MMD2: variants seen among roughly 807,000 people sequenced by gnomAD.
MMD2 encodes the protein monocyte to macrophage differentiation factor 2.
A neutral mutation model predicts 33.5 loss-of-function variants in MMD2; 30 were observed. That is an observed-to-expected ratio of 0.90 (90% CI 0.67 to 1.22). MMD2 has a LOEUF of 1.22. MMD2 is among the 50% of genes most tolerant of loss of function. MMD2 has a pLI of 0.00. For missense variants in MMD2, 364 were observed against 325.4 expected (o/e 1.12, Z -0.91); for synonymous variants, 129 against 123.0 (o/e 1.05, Z -0.32).
intron 1 of MMD2, among the ~76,000 whole-genome samples, chr7:4,934,960 C>T (rs1785697148): frequency 6.6e-6 from 1 of 152,040 alleles, no homozygotes; most frequent in Admixed American, 6.6e-5. Flanking sequence ...CTGAGGTGGG[C>T]GGATAACCTG....
downstream of MMD2, among the ~76,000 whole-genome samples, chr7:4,904,104 T>A (rs1182966074): frequency 6.6e-6 from 1 of 152,194 alleles, no homozygotes; most frequent in African/African-American, 2.4e-5. Context: ...GGCTACTTTT[T>A]GTATTTTTAG....
Position 4,907,381 on chromosome 7 carries a change from C to A in MMD2, c.*15G>T. The A allele has an allele frequency of 6.2e-7, 1 of 1,613,290 alleles. No individual in the cohort carries two copies. The highest frequency in any genetic ancestry group is 8.5e-7 in the Non-Finnish European group (1 of 1,179,808). On this transcript the variant is annotated 3_prime_UTR_variant, in exon 7 of 7. Transcript: ENST00000401401. ...CACTCCTAAAGCCCAAACGACCTCT[C>A]AAGTCTGGGTCACCTCATTTGGACA...
At chr7:4,938,857 G>T (rs1315149431) in intron 1 of MMD2, among the ~76,000 whole-genome samples, 1 of 152,108 alleles carries the variant, frequency 6.6e-6, no homozygotes, top group African/African-American at 2.4e-5. Flanking sequence ...TTTAAATAAA[G>T]TCAAGTTTTG....
At position 4,921,185 on chromosome 7, in the gene MMD2, C is replaced by A. The variant is rs572596582; in HGVS notation, c.130-854G>T. Among the ~76,000 whole-genome samples, 290 of 152,252 alleles carry A rather than the reference C, an allele frequency of 1.9e-3. 1 individual carries two copies. The highest frequency in any genetic ancestry group is 6.8e-3 in the African/African-American group (281 of 41,574). ...ATCCCAGCCCCTCTCTGGGCCACCA[C>A]ACAGAGAAGTATGATGTGCCACATG... On this transcript the variant is annotated intron_variant, in intron 2 of 6. Transcript: ENST00000401401.
At chr7:4,908,312 T>G (rs1784917493) in intron 6 of MMD2, among the ~76,000 whole-genome samples, 1 of 151,810 alleles carries the variant, frequency 6.6e-6, no homozygotes, top group Non-Finnish European at 1.5e-5. Flanking sequence ...CGGCTAATTT[T>G]TGTATTTTTA....
At chr7:4,902,339 A>T (rs1391369299), downstream of MMD2, among the ~76,000 whole-genome samples, 3 of 152,238 alleles carry the variant, frequency 2.0e-5, no homozygotes, top group Non-Finnish European at 4.4e-5. Flanking sequence ...GCAAGCAGCC[A>T]GGTCTGGCCA....
At chr7:4,935,315 G>C (rs1785708385) in intron 1 of MMD2, among the ~76,000 whole-genome samples, 2 of 152,040 alleles carry the variant, frequency 1.3e-5, no homozygotes, top group African/African-American at 4.8e-5. Flanking sequence ...TCGTGCCACT[G>C]CACTCCAGCC....
At chr7:4,956,571 T>C (rs1296291764) in intron 1 of MMD2, among the ~76,000 whole-genome samples, 1 of 152,084 alleles carries the variant, frequency 6.6e-6, no homozygotes, top group African/African-American at 2.4e-5. Flanking sequence ...CCATCACCCA[T>C]AGAAGCTGCA....
chr7:4,908,062 G>A (rs1263444287), intron 6 of MMD2, among the ~76,000 whole-genome samples: 4 of 151,828 alleles, frequency 2.6e-5, no homozygotes, highest in African/African-American at 9.7e-5. Flanking sequence ...CTCCCACCTC[G>A]GCTTCCCAAA....
At chr7:4,945,285 T>C (rs766560100) in intron 1 of MMD2, among the ~76,000 whole-genome samples, 1 of 143,806 alleles carries the variant, frequency 7.0e-6, no homozygotes, top group Non-Finnish European at 1.5e-5. Flanking sequence ...TTTTTTCTTT[T>C]TTTGAGACAG....
intron 1 of MMD2, among the ~76,000 whole-genome samples, chr7:4,957,817 G>C (rs1562499836): frequency 6.6e-6 from 1 of 152,166 alleles, no homozygotes; most frequent in Non-Finnish European, 1.5e-5. Flanking sequence ...CAGAGGGTGA[G>C]ACTGAGGGGG....
At chr7:4,899,361 T>C in the MMD2 span, among the ~76,000 whole-genome samples, 1 of 152,020 alleles carries the variant, frequency 6.6e-6, no homozygotes, top group Non-Finnish European at 1.5e-5. Flanking sequence ...CCCATTTCAG[T>C]AAACTACAAT....
chr7:4,892,273 T>C, the MMD2 span, among the ~76,000 whole-genome samples: 12 of 152,092 alleles, frequency 7.9e-5, no homozygotes, highest in African/African-American at 2.7e-4. Flanking sequence ...TTTTTATTTG[T>C]GAATTAAAAG....
At chr7:4,945,403 G>A (rs1786047038) in intron 1 of MMD2, among the ~76,000 whole-genome samples, 1 of 150,752 alleles carries the variant, frequency 6.6e-6, no homozygotes, top group Non-Finnish European at 1.5e-5. Context: ...GGAGTGGCTG[G>A]GACTACAGGT....
intron 1 of MMD2, among the ~76,000 whole-genome samples, chr7:4,944,537 C>T (rs1017068847): frequency 5.3e-5 from 8 of 152,066 alleles, no homozygotes; most frequent in Non-Finnish European, 7.4e-5. Context: ...ACTATTCCTG[C>T]GAAAGGACTG....
chr7:4,947,692 CTTTTTTTTTTTTT>C (rs71033002), intron 1 of MMD2, among the ~76,000 whole-genome samples: 1 of 35,886 alleles, frequency 2.8e-5, no homozygotes, highest in Admixed American at 4.2e-4. Flanking sequence ...TGCACCTGGC[CTTTTTTTTTTTTT>C]TTTTTTTTTT....
chr7:4,915,029 T>C (rs1244352397), intron 4 of MMD2, among the ~76,000 whole-genome samples: 1 of 152,134 alleles, frequency 6.6e-6, no homozygotes, highest in Non-Finnish European at 1.5e-5. Context: ...TCCCAACAGT[T>C]TGGGAGGCTG....
intron 6 of MMD2, among the ~76,000 whole-genome samples, chr7:4,908,857 AC>A (rs1784933976): frequency 6.6e-6 from 1 of 151,000 alleles, no homozygotes; most frequent in African/African-American, 2.4e-5. Context: ...AGATCGTGCC[AC>A]TGCATTCCAC....
At chr7:4,903,063 C>A (rs1028534447), downstream of MMD2, among the ~76,000 whole-genome samples, 2 of 152,288 alleles carry the variant, frequency 1.3e-5, no homozygotes, top group African/African-American at 2.4e-5. Context: ...CATGGTGAAA[C>A]CCTGTCTCTA....
Sources: gnomAD v4.1 joint callset for allele counts (sites outside exome capture counted in the v4.1 genomes callset) on GRCh38, gnomAD v4.1.1 for gene constraint, MANE v1.5 for transcripts, NCBI Gene and HGNC (gene_info 2026-07-23, HGNC 2026-07-21) for gene names.